GRIP2: variants seen among roughly 807,000 people sequenced by gnomAD.
GRIP2 encodes glutamate receptor interacting protein 2.
In GRIP2, 58 loss-of-function variants were observed where a neutral mutation model predicts 108.3. The ratio of observed to expected loss-of-function variants is 0.54; its 90% CI spans 0.43 to 0.67. The LOEUF is 0.67. Ranked by LOEUF, GRIP2 falls within the 30% of genes least tolerant of loss-of-function variation. The pLI is 0.00. For synonymous variants in GRIP2, 586 were observed against 598.2 expected (o/e 0.98, Z 0.30); for missense variants, 1,278 against 1,430.6 (o/e 0.89, Z 1.72).
At chr3:14,557,243 T>C (rs1695250167), upstream of GRIP2, among the ~76,000 whole-genome samples, 1 of 152,262 alleles carries the variant, frequency 6.6e-6, no homozygotes. Flanking sequence ...TACACAGATC[T>C]GACCAGTAAT....
Position 14,514,421 on chromosome 3 carries a change from G to T in GRIP2, c.1364C>A (p.Thr455Lys). Residue 455 changes from threonine to lysine, a missense_variant, in exon 12 of 24, where the codon ACG becomes AAG. Transcript: ENST00000621039. ...PGGQIVHTET[T>K]EVVLCGDPLS... ...GGGGTCTCCACAGAGCACGACCTCC[G>T]TGGTCTCCGTGTGCACAATCTGCCC... 1 of 1,575,864 alleles carries T rather than the reference G, an allele frequency of 6.3e-7. No homozygotes were observed.
At chr3:14,568,791 A>G in the GRIP2 span, among the ~76,000 whole-genome samples, 1 of 152,136 alleles carries the variant, frequency 6.6e-6, no homozygotes, top group Non-Finnish European at 1.5e-5. Context: ...AGCTTTCTGG[A>G]CCTAGATGTG....
In GRIP2 at chr3:14,505,218, G is replaced by A. The variant is rs1028830378; in HGVS notation, c.2573+397C>T. Among the ~76,000 whole-genome samples, 6 of 152,136 alleles carry A rather than the reference G, an allele frequency of 3.9e-5. No homozygotes were observed. Among genetic ancestry groups the A allele is most frequent in the East Asian group, 1.9e-4 (1 of 5,178 alleles). On this transcript the variant is annotated intron_variant, in intron 20 of 23. Coordinates refer to ENST00000621039, the MANE Select transcript of GRIP2 (RefSeq NM_001080423.4). The surrounding 1 kb of genome is among the most constrained non-coding windows in gnomAD (Gnocchi z 4.2). Reference sequence around the variant, plus strand: ...GCTCTCTGCAGGAGCCTTCTCCAGCGGCTCAGCCACTCGGCACAGCCCAGG... The same window carrying A: ...GCTCTCTGCAGGAGCCTTCTCCAGCAGCTCAGCCACTCGGCACAGCCCAGG...
chr3:14,494,358 C>T (rs1693513669), intron 23 of GRIP2, among the ~76,000 whole-genome samples: 1 of 152,198 alleles, frequency 6.6e-6, no homozygotes, highest in East Asian at 1.9e-4. Context: ...ATAGCCAGGG[C>T]ATGAGAAGGG....
intron 1 of GRIP2, among the ~76,000 whole-genome samples, chr3:14,527,870 T>C (rs1050287693): frequency 2.6e-5 from 4 of 152,100 alleles, no homozygotes; most frequent in Non-Finnish European, 5.9e-5. Context: ...CACTCCAGTC[T>C]GGGTGACAGA....
chr3:14,556,144 G>A (rs1020009681), upstream of GRIP2: 58 of 395,830 alleles, frequency 1.5e-4, no homozygotes, highest in Non-Finnish European at 2.5e-4. Flanking sequence ...CATTGGTGGC[G>A]GCAAGGCCCT....
At chr3:14,577,115 C>T in the GRIP2 span, among the ~76,000 whole-genome samples, 3 of 152,190 alleles carry the variant, frequency 2.0e-5, no homozygotes, top group Non-Finnish European at 4.4e-5. Flanking sequence ...CAAATTTTTG[C>T]AGAATTTAAT....
intron 23 of GRIP2, among the ~76,000 whole-genome samples, 186 bp from the exon 24 acceptor site, chr3:14,494,012 T>G (rs1693495616): frequency 6.6e-6 from 1 of 152,242 alleles, no homozygotes; most frequent in Admixed American, 6.5e-5. Flanking sequence ...CTGTTAGGTT[T>G]CATCAAAGAG....
the GRIP2 span, among the ~76,000 whole-genome samples, chr3:14,577,369 C>G: frequency 1.3e-5 from 2 of 152,176 alleles, no homozygotes; most frequent in African/African-American, 4.8e-5. Flanking sequence ...CAGAAAGAGA[C>G]AGAGGCTGAT....
intron 17 of GRIP2, 24 bp downstream of exon 17, chr3:14,509,796 C>G (rs370108204): frequency 1.4e-6 from 2 of 1,430,872 alleles, no homozygotes; most frequent in Non-Finnish European, 1.8e-6. Flanking sequence ...GCCCACCATG[C>G]GTCCCCACAG....
chr3:14,522,003 C>G lies in GRIP2; in HGVS notation c.567-216G>C, dbSNP rs1008305222. 148 of 543,346 alleles carry G rather than the reference C, an allele frequency of 2.7e-4. 1 individual carries two copies. The highest frequency in any genetic ancestry group is 2.6e-3 in the African/African-American group (132 of 51,698). 33.7% of individuals were successfully genotyped at this position (543,346 alleles called of 1,614,324 possible). ...GCATAAAGCAAGGGGGGGATGAAGA[C>G]AGGATGGGGTGGCTCTGCCGCCTGC... On this transcript the variant is annotated intron_variant, in intron 6 of 23. Transcript: ENST00000621039. The surrounding 1 kb of genome is among the most constrained non-coding windows in gnomAD (Gnocchi z 4.3).
Position 14,521,531 on chromosome 3 carries a change from G to T in GRIP2, c.712+111C>A. The stretch of plus-strand genomic sequence containing the variant: ...CCCAGAGAAGCTGTGACTGGCCCAA[G>T]GTCATAAGGTCATGCAGCCTTTGCA... On this transcript the variant is annotated intron_variant, in intron 7 of 23. Coordinates refer to ENST00000621039, the MANE Select transcript of GRIP2 (RefSeq NM_001080423.4). This position sits in a 1 kb window ranked among gnomAD's most constrained non-coding sequence, Gnocchi z 5.1. The T allele has an allele frequency of 8.4e-7, 1 of 1,194,758 alleles. No individual in the cohort carries two copies. The highest frequency in any genetic ancestry group is 1.2e-6 in the Non-Finnish European group (1 of 868,398). The allele number at this position is 1,194,758 out of a possible 1,614,324, so 74.0% of individuals were successfully genotyped here. A position where few individuals can be genotyped will look rare whatever the true frequency, so the allele number is the denominator to read the frequency against.
chr3:14,511,316 T>A lies in GRIP2; in HGVS notation c.1788-6A>T. 6.2e-7 allele frequency: 1 copy of A among 1,613,996 alleles called. No homozygotes were observed. Among genetic ancestry groups the A allele is most frequent in the Non-Finnish European group, 8.5e-7 (1 of 1,179,878 alleles). ...CTGGCTCCAGGGTGCCCGTCCTGCA[T>A]GAGTCGGGGGCAGAGGGGATGGAAG... On this transcript the variant is annotated splice_polypyrimidine_tract_variant and splice_region_variant and intron_variant, in intron 15 of 23. Coordinates refer to ENST00000621039, the MANE Select transcript of GRIP2 (RefSeq NM_001080423.4). This position sits in a 1 kb window ranked among gnomAD's most constrained non-coding sequence, Gnocchi z 4.1.
intron 22 of GRIP2, among the ~76,000 whole-genome samples, chr3:14,495,266 T>C (rs116692430): frequency 0.028 from 4,252 of 152,224 alleles, 199 homozygotes; most frequent in African/African-American, 0.097. Context: ...TCTGGCTCTA[T>C]CAGGGAGGAG....
the GRIP2 span, among the ~76,000 whole-genome samples, chr3:14,581,813 T>C: frequency 1.2e-3 from 186 of 152,208 alleles, no homozygotes; most frequent in African/African-American, 4.3e-3. Context: ...CTACCACTTA[T>C]AACCTAACAC....
the GRIP2 span, among the ~76,000 whole-genome samples, chr3:14,591,230 C>T: frequency 3.0e-4 from 46 of 152,326 alleles, no homozygotes; most frequent in Admixed American, 5.9e-4. Context: ...TCCAATTCCC[C>T]AGCCCCAGAC....
chr3:14,530,481 A>G (rs1694681837), intron 1 of GRIP2, among the ~76,000 whole-genome samples: 1 of 152,190 alleles, frequency 6.6e-6, no homozygotes, highest in South Asian at 2.1e-4. Flanking sequence ...ACAATATTGA[A>G]TCTTCCAGTC....
the GRIP2 span, chr3:14,573,772 G>A: frequency 4.5e-6 from 7 of 1,544,508 alleles, no homozygotes; most frequent in African/African-American, 9.5e-5. Flanking sequence ...GGATCCTGGT[G>A]GCAGACAGAG....
At chr3:14,576,521 G>C in the GRIP2 span, among the ~76,000 whole-genome samples, 1 of 152,234 alleles carries the variant, frequency 6.6e-6, no homozygotes, top group Non-Finnish European at 1.5e-5. Context: ...CCTGGTGCTG[G>C]GCCACGCTGG....
Sources: gnomAD v4.1 joint callset for allele counts (sites outside exome capture counted in the v4.1 genomes callset) on GRCh38, gnomAD v4.1.1 for gene constraint, Gnocchi (gnomAD v3.1) non-coding constraint, MANE v1.5 for transcripts, NCBI Gene and HGNC (gene_info 2026-07-23, HGNC 2026-07-21) for gene names.